Variants in ATP9A observed in about 807,000 individuals in gnomAD.
ATP9A encodes probable phospholipid-transporting ATPase IIA.
Under a neutral mutation model 144.1 loss-of-function variants are expected in ATP9A, and 52 were observed. That is an observed-to-expected ratio of 0.36 (90% CI 0.29 to 0.45). ATP9A has a LOEUF of 0.45. Among genes scored for constraint, ATP9A ranks in the 20% least tolerant of loss-of-function variants. The pLI is 1.00. For synonymous variants in ATP9A, 582 were observed against 557.4 expected (o/e 1.04, Z -0.62); for missense variants, 947 against 1,392.7 (o/e 0.68, Z 5.09).
intron 14 of ATP9A, among the ~76,000 whole-genome samples, chr20:51,644,780 C>T (rs1385763502): frequency 7.0e-6 from 1 of 142,730 alleles, no homozygotes; most frequent in African/African-American, 2.5e-5. Flanking sequence ...CAGGTACTTT[C>T]AAACACTTAT....
rs2077186342 is a variant in ATP9A at position 51,611,925 on chromosome 20, T to C, written c.2571+1752A>G. Among the ~76,000 whole-genome samples, 1 of 152,236 alleles carries C rather than the reference T, an allele frequency of 6.6e-6. No homozygotes were observed. The highest frequency in any genetic ancestry group is 2.1e-4 in the South Asian group (1 of 4,834). On this transcript the variant is annotated intron_variant, in intron 23 of 27. Transcript: ENST00000338821. This position sits in a 1 kb window ranked among gnomAD's most constrained non-coding sequence, Gnocchi z 4.2. ...CCCCAAAAAACTGGGGTGTAGCCAG[T>C]GGACGGAAAATTCTCATGTACCCAA...
chr20:51,690,797 T>A lies in ATP9A; in HGVS notation c.665A>T (p.Tyr222Phe), dbSNP rs977314898. Residue 222 changes from tyrosine to phenylalanine, a missense_variant, in exon 8 of 28, where the codon TAT (tyrosine) becomes TTT (phenylalanine). By Grantham distance (22) the Tyr-to-Phe change is conservative (BLOSUM62 3). Around this residue, in one of 2 missense-constraint regions of ATP9A, gnomAD observed 770 missense variants for 1,047.9 expected, o/e 0.73. Coordinates refer to ENST00000338821, the MANE Select transcript of ATP9A (RefSeq NM_006045.3). ...AATATTTGGCTCTTCTGCGTACACA[T>A]ACGATCGAATCTGAAGAAGGTCCTG... ...TAADLLQIRS[Y>F]VYAEEPNIDI... The A allele has an allele frequency of 2.5e-5, 40 of 1,614,150 alleles. No homozygotes were observed. The East Asian group carries it at 8.7e-4, about 35-fold the overall frequency.
Position 51,656,944 on chromosome 20 carries a change from G to C in ATP9A, c.1500C>G (p.Pro500=), listed in dbSNP as rs201102074. ...TGCACCTGCCCAGGTTTACCTCATC[G>C]GGGCTGGATGCCTGGTATACGCGGC... ...DSCRVYQASS[P]DEVALVQWTE... The change falls in exon 14 of 28, where the codon CCC becomes CCG. Residue 500 remains proline (P), a synonymous_variant. Coordinates refer to ENST00000338821, the MANE Select transcript of ATP9A (RefSeq NM_006045.3). The C allele has an allele frequency of 1.3e-4, 202 of 1,613,534 alleles. No homozygotes were observed. Among genetic ancestry groups the C allele is most frequent in the South Asian group, 2.2e-4 (20 of 90,962 alleles).
intron 1 of ATP9A, among the ~76,000 whole-genome samples, chr20:51,757,559 G>A (rs1391371698): frequency 6.6e-6 from 1 of 151,658 alleles, no homozygotes; most frequent in Non-Finnish European, 1.5e-5. Context: ...GCTCGCACAG[G>A]GCCTCTTCCA....
At chr20:51,650,557 A>AAT (rs1216419389) in intron 14 of ATP9A, among the ~76,000 whole-genome samples, 3 of 151,816 alleles carry the variant, frequency 2.0e-5, no homozygotes, top group African/African-American at 7.2e-5. Flanking sequence ...AAAAATAAAA[A>AAT]ATATATATAT....
intron 13 of ATP9A, among the ~76,000 whole-genome samples, chr20:51,659,687 C>T (rs1205626602): frequency 6.6e-6 from 1 of 152,200 alleles, no homozygotes; most frequent in African/African-American, 2.4e-5. Context: ...ATGAGTCGCA[C>T]TTTACACCCA....
chr20:51,758,946 G>A (rs546439128), intron 1 of ATP9A, among the ~76,000 whole-genome samples: 3 of 152,222 alleles, frequency 2.0e-5, no homozygotes, highest in South Asian at 2.1e-4. Context: ...GAAAGAGCCC[G>A]TCTGCAAGGA....
At chr20:51,724,015 C>T (rs1412803759) in intron 3 of ATP9A, among the ~76,000 whole-genome samples, 1 of 151,582 alleles carries the variant, frequency 6.6e-6, no homozygotes, top group Non-Finnish European at 1.5e-5. Flanking sequence ...ACTAAAAATA[C>T]AAAAAATTAG....
At chr20:51,746,293 C>T (rs569303294) in intron 1 of ATP9A, among the ~76,000 whole-genome samples, 3 of 152,314 alleles carry the variant, frequency 2.0e-5, no homozygotes, top group Admixed American at 1.3e-4. Flanking sequence ...ACCTCAGGTA[C>T]GTAGCCCTGA....
At chr20:51,609,714 G>C (rs536338877) in intron 24 of ATP9A, among the ~76,000 whole-genome samples, 1 of 152,188 alleles carries the variant, frequency 6.6e-6, no homozygotes, top group Non-Finnish European at 1.5e-5. Context: ...ACTGGGCTCA[G>C]TTCAGGCCAG....
At chr20:51,734,052 T>C (rs1021337402) in intron 1 of ATP9A, among the ~76,000 whole-genome samples, 2 of 151,866 alleles carry the variant, frequency 1.3e-5, no homozygotes, top group African/African-American at 2.4e-5. Flanking sequence ...TCTCAGCTTG[T>C]TGCAGCCTCA....
intron 1 of ATP9A, among the ~76,000 whole-genome samples, chr20:51,735,499 G>C (rs1288824568): frequency 1.3e-5 from 2 of 152,150 alleles, no homozygotes; most frequent in African/African-American, 4.8e-5. Context: ...AAATTCATAA[G>C]AGTAAGCATT....
intron 9 of ATP9A, among the ~76,000 whole-genome samples, chr20:51,682,735 G>T (rs1443824511): frequency 3.3e-5 from 5 of 149,510 alleles, no homozygotes; most frequent in Admixed American, 2.0e-4. Context: ...GAGATTACAG[G>T]CACGCACCAC....
intron 13 of ATP9A, among the ~76,000 whole-genome samples, chr20:51,669,572 C>T (rs760885842): frequency 1.3e-5 from 2 of 152,128 alleles, no homozygotes; most frequent in African/African-American, 4.8e-5. Context: ...TCAACGTGGT[C>T]GTAAACTTGA....
chr20:51,627,798 A>G (rs1417681684), intron 16 of ATP9A, 115 bp from the exon 17 acceptor site: 3 of 849,400 alleles, frequency 3.5e-6, no homozygotes, highest in Admixed American at 2.1e-5. Context: ...AAAATGGCAA[A>G]TCAGAAAGTT....
chr20:51,756,851 GAAC>G (rs2077858543), intron 1 of ATP9A, among the ~76,000 whole-genome samples: 4 of 152,152 alleles, frequency 2.6e-5, no homozygotes, highest in Admixed American at 2.6e-4. Context: ...CTCATAGCAA[GAAC>G]AATAGTCCAG....
chr20:51,638,737 C>A (rs2077306056), intron 15 of ATP9A, among the ~76,000 whole-genome samples: 1 of 152,014 alleles, frequency 6.6e-6, no homozygotes, highest in African/African-American at 2.4e-5. Flanking sequence ...GTTTTGCAAG[C>A]CTGTAGTCCT....
intron 19 of ATP9A, among the ~76,000 whole-genome samples, chr20:51,620,141 T>C (rs1485649983): frequency 6.6e-6 from 1 of 152,202 alleles, no homozygotes; most frequent in African/African-American, 2.4e-5. Flanking sequence ...TTAACTATTG[T>C]AGGCTTTGAG....
chr20:51,711,568 C>A (rs1296528045), intron 4 of ATP9A, among the ~76,000 whole-genome samples: 1 of 152,186 alleles, frequency 6.6e-6, no homozygotes, highest in African/African-American at 2.4e-5. Flanking sequence ...GCATTAATCC[C>A]TGAATGGGAT....
Sources: allele counts gnomAD v4.1 joint callset (sites outside exome capture counted in the v4.1 genomes callset), GRCh38; gene constraint gnomAD v4.1.1; regional missense constraint gnomAD v4.1.1; non-coding constraint Gnocchi (gnomAD v3.1); transcripts MANE v1.5; gene names NCBI Gene and HGNC (gene_info 2026-07-23, HGNC 2026-07-21).